Variants in VPS11 observed in about 807,000 individuals in gnomAD.
VPS11 encodes the protein vacuolar protein sorting-associated protein 11 homolog.
A neutral mutation model predicts 106.8 loss-of-function variants in VPS11; 51 were observed. The observed-to-expected ratio is 0.48, with a 90% CI of 0.38 to 0.60. The LOEUF (loss-of-function observed/expected upper bound fraction) is 0.60. Among genes scored for constraint, VPS11 ranks in the 20% least tolerant of loss-of-function variants. The pLI, the probability that VPS11 is intolerant of heterozygous loss-of-function variation, is 0.00. For missense variants in VPS11, 950 were observed against 1,190.0 expected (o/e 0.80, Z 2.97); for synonymous variants, 453 against 458.7 (o/e 0.99, Z 0.16).
chr11:119,078,291 T>C lies in VPS11; in HGVS notation c.1880T>C (p.Leu627Pro). ...CCCCAGGGGATCTACGACACACTCC[T>C]TGAGCTGCGACTGCAGAACTGGGCC... The part of the protein sequence containing the change: ...DSPQGIYDTL[L>P]ELRLQNWAHE... The change falls in exon 11 of 16, where the codon CTT becomes CCT. Residue 627 changes from leucine to proline, a missense_variant. Transcript: ENST00000621676. The C allele has an allele frequency of 6.2e-7, 1 of 1,613,064 alleles. No homozygotes were observed. Among genetic ancestry groups the C allele is most frequent in the Non-Finnish European group, 8.5e-7 (1 of 1,179,872 alleles).
Position 119,078,305 on chromosome 11 carries a change from C to T in VPS11, c.1894C>T (p.Gln632Ter). The T allele has an allele frequency of 6.2e-7, 1 of 1,612,426 alleles. No individual in the cohort carries two copies. Among genetic ancestry groups the T allele is most frequent in the Non-Finnish European group, 8.5e-7 (1 of 1,179,888 alleles). Residue 632 changes from glutamine (Q) to a stop codon, truncating the protein, a stop_gained, in exon 11 of 16, where the codon CAG becomes TAG. Coordinates refer to ENST00000621676, the MANE Select transcript of VPS11 (RefSeq NM_021729.6). LOFTEE classifies it high-confidence loss of function. The stretch of plus-strand genomic sequence containing the variant: ...CGACACACTCCTTGAGCTGCGACTG[C>T]AGAACTGGGCCCACGAGAAGGATCC... Reference protein sequence around the residue: ...IYDTLLELRLQNWAHEKDPQV... With the variant: ...IYDTLLELRL
Position 119,071,582 on chromosome 11 carries a change from G to A in VPS11, c.637-14G>A. The A allele has an allele frequency of 6.2e-7, 1 of 1,613,348 alleles. No individual in the cohort carries two copies. The highest frequency in any genetic ancestry group is 8.5e-7 in the Non-Finnish European group (1 of 1,179,350). On this transcript the variant is annotated splice_polypyrimidine_tract_variant and intron_variant, in intron 4 of 15. Transcript: ENST00000621676. ...CTCAAAGGAGCCTGTTAACCCCTTT[G>A]TTGCTTCTGGCAGTCCTATATAGTT...
intron 1 of VPS11, among the ~76,000 whole-genome samples, chr11:119,068,443 C>A (rs2133642059): frequency 0.11 from 3,925 of 35,772 alleles, 768 homozygotes; most frequent in East Asian, 0.2. Flanking sequence ...GGCCTTTTTA[C>A]CTTTTTTTTT....
Position 119,069,267 on chromosome 11 carries a change from G to A in VPS11, c.259G>A (p.Val87Met), listed in dbSNP as rs1170289073. The A allele has an allele frequency of 6.2e-7, 1 of 1,613,848 alleles. No homozygotes were observed. Among genetic ancestry groups the A allele is most frequent in the South Asian group, 1.1e-5 (1 of 91,090 alleles). The change falls in exon 2 of 16, where the codon GTG (valine) becomes ATG (methionine). Residue 87 changes from valine (V) to methionine (M), a missense_variant. By Grantham distance (21) the Val-to-Met change is conservative (BLOSUM62 1). Around this residue, in one of 3 missense-constraint regions of VPS11, gnomAD observed 435 missense variants for 630.2 expected, o/e 0.69. Coordinates refer to ENST00000621676, the MANE Select transcript of VPS11 (RefSeq NM_021729.6). ...LTGFQAYKLRVTHLYQLKQHN... is the reference protein window; with the variant it reads ...LTGFQAYKLRMTHLYQLKQHN... ...AGGCTTCCAAGCCTACAAACTACGG[G>A]TGACACACCTGTACCAACTGAAGCA...
In VPS11 at chr11:119,079,434, A is replaced by G. The variant is rs998815872; in HGVS notation, c.2438+134A>G. 1.5e-5 allele frequency: 17 copies of G among 1,161,928 alleles called. 1 individual carries two copies. In the South Asian group the frequency reaches 1.7e-4, roughly 12 times the overall value. The allele number at this position is 1,161,928 out of a possible 1,614,324, so 72.0% of individuals were successfully genotyped here. A position where few individuals can be genotyped will look rare whatever the true frequency, so the allele number is the denominator to read the frequency against. On this transcript the variant is annotated intron_variant, in intron 14 of 15. Coordinates refer to ENST00000621676, the MANE Select transcript of VPS11 (RefSeq NM_021729.6). ...TTTTGATTCTTCAAGTTGTGTTTTA[A>G]TTGAGGAATTCCAAAAAATGGTTTA... is the stretch of plus-strand genomic sequence containing the variant.
chr11:119,070,476 C>A, intron 4 of VPS11, 79 bp downstream of exon 4: 1 of 1,381,172 alleles, frequency 7.2e-7, no homozygotes. Flanking sequence ...AATGAAGTGA[C>A]AGGAAAGGTG....
intron 5 of VPS11, chr11:119,072,201 AG>A (rs1383036601): frequency 4.3e-6 from 1 of 231,244 alleles, no homozygotes; most frequent in African/African-American, 2.2e-5. Flanking sequence ...CCTGACCTCA[AG>A]TGATCTACCC....
chr11:119,071,390 A>C (rs992087232), intron 4 of VPS11, among the ~76,000 whole-genome samples: 4 of 152,218 alleles, frequency 2.6e-5, no homozygotes, highest in African/African-American at 9.7e-5. Flanking sequence ...CTAGATAGTG[A>C]TAATATATAC....
At chr11:119,073,424 T>G (rs782565702) in intron 6 of VPS11, 25 bp downstream of exon 6, 27 of 1,608,500 alleles carry the variant, frequency 1.7e-5, no homozygotes, top group Non-Finnish European at 2.0e-5. Flanking sequence ...CTCGCAGAGC[T>G]GGCCACAGGC....
Position 119,076,922 on chromosome 11 carries a change from T to C in VPS11, c.1264T>C (p.Tyr422His), listed in dbSNP as rs1945641715. ...AACCATTGGAAAGTTGGAGCCATCCTACGTGATCCGCAAGTTTCTGGATGC... is the reference window on the plus strand; with the variant it reads ...AACCATTGGAAAGTTGGAGCCATCCCACGTGATCCGCAAGTTTCTGGATGC... ...IRTIGKLEPS[Y>H]VIRKFLDAQR... is the part of the protein sequence containing the mutation. The change falls in exon 8 of 16, where the codon TAC becomes CAC. Residue 422 changes from tyrosine to histidine, a missense_variant. Physicochemically the swap from Tyr to His is moderately conservative, Grantham distance 83 (BLOSUM62 2). This residue lies in a region of VPS11 where 435 missense variants were observed against 630.2 expected (regional missense o/e 0.69). Coordinates refer to ENST00000621676, the MANE Select transcript of VPS11 (RefSeq NM_021729.6). The C allele has an allele frequency of 6.2e-7, 1 of 1,614,036 alleles. No homozygotes were observed. Among genetic ancestry groups the C allele is most frequent in the Non-Finnish European group, 8.5e-7 (1 of 1,179,902 alleles).
chr11:119,076,108 C>G (rs1213009596), intron 7 of VPS11, among the ~76,000 whole-genome samples: 1 of 152,066 alleles, frequency 6.6e-6, no homozygotes, highest in African/African-American at 2.4e-5. Flanking sequence ...CACCTGTAGT[C>G]CCAGCTACTC....
intron 13 of VPS11, 55 bp from the exon 14 acceptor site, chr11:119,079,074 C>T (rs1337978577): frequency 1.9e-6 from 3 of 1,611,920 alleles, no homozygotes; most frequent in Admixed American, 1.7e-5. Context: ...CACCTTTATC[C>T]AGAGAGTGCC....
chr11:119,069,025 G>C (rs1046510492), intron 1 of VPS11, 171 bp from the exon 2 acceptor site: 1 of 91,084 alleles, frequency 1.1e-5, no homozygotes, highest in Admixed American at 2.4e-4. Context: ...CTCCCAAAGT[G>C]CTGGGATTAC....
Position 119,073,228 on chromosome 11 carries a change from C to T in VPS11, c.915C>T (p.Ser305=). The change falls in exon 6 of 16, where the codon AGC becomes AGT. Residue 305 remains serine, a synonymous_variant. Transcript: ENST00000621676. ...KSEFTSRDSQ[S]SDKQILNIYD... is the part of the protein sequence containing the mutation. ...AGTTTACCAGCAGGGATTCACAGAG[C>T]TCCGACAAGCAGATTCTAAACATCT... is the stretch of plus-strand genomic sequence containing the variant. 2 of 1,613,628 alleles carry T rather than the reference C, an allele frequency of 1.2e-6. No homozygotes were observed. Among genetic ancestry groups the T allele is most frequent in the Non-Finnish European group, 1.7e-6 (2 of 1,179,752 alleles).
chr11:119,079,073 C>G, intron 13 of VPS11, 56 bp from the exon 14 acceptor site: 3 of 1,611,934 alleles, frequency 1.9e-6, no homozygotes, highest in African/African-American at 2.7e-5. Context: ...TCACCTTTAT[C>G]CAGAGAGTGC....
chr11:119,077,140 C>T, intron 8 of VPS11, 57 bp downstream of exon 8: 1 of 1,566,086 alleles, frequency 6.4e-7, no homozygotes, highest in Non-Finnish European at 8.7e-7. Context: ...TGAGGTGGCT[C>T]CACCGGGACT....
At chr11:119,077,850 C>T in intron 9 of VPS11, 28 bp from the exon 10 acceptor site, 4 of 1,612,610 alleles carry the variant, frequency 2.5e-6, no homozygotes, top group Non-Finnish European at 3.4e-6. Context: ...CAGGAGTATA[C>T]ACTATTCTGC....
In VPS11 at chr11:119,069,038, G is replaced by A. The variant is rs1945260979; in HGVS notation, c.188-158G>A. 5 of 387,420 alleles carry A rather than the reference G, an allele frequency of 1.3e-5. No homozygotes were observed. The Admixed American group carries it at 2.5e-4, about 19-fold the overall frequency. 24.0% of individuals were successfully genotyped at this position (387,420 alleles called of 1,614,324 possible). A position where few individuals can be genotyped will look rare whatever the true frequency, so the allele number is the denominator to read the frequency against. Reference sequence around the variant, plus strand: ...GCCTCCCAAAGTGCTGGGATTACAGGTGTGAGTCACCGCGCCTGGCCTCAC... The same window carrying A: ...GCCTCCCAAAGTGCTGGGATTACAGATGTGAGTCACCGCGCCTGGCCTCAC... On this transcript the variant is annotated intron_variant, in intron 1 of 15. Coordinates refer to ENST00000621676, the MANE Select transcript of VPS11 (RefSeq NM_021729.6).
Position 119,081,764 on chromosome 11 carries a change from C to T in VPS11, c.*141C>T, listed in dbSNP as rs1038660814. 112 of 1,172,532 alleles carry T rather than the reference C, an allele frequency of 9.6e-5. No homozygotes were observed. The highest frequency in any genetic ancestry group is 5.3e-4 in the African/African-American group (34 of 64,480). 72.6% of individuals were successfully genotyped at this position (1,172,532 alleles called of 1,614,324 possible). On this transcript the variant is annotated 3_prime_UTR_variant, in exon 16 of 16. Coordinates refer to ENST00000621676, the MANE Select transcript of VPS11 (RefSeq NM_021729.6). ...AATGTCACAGCCCTCAGAACTAAAG[C>T]GGACTTTCTTTCCCTGCCTTCTTAT...
Sources: allele counts gnomAD v4.1 joint callset (sites outside exome capture counted in the v4.1 genomes callset), GRCh38; gene constraint gnomAD v4.1.1; regional missense constraint gnomAD v4.1.1; transcripts MANE v1.5; gene names NCBI Gene and HGNC (gene_info 2026-07-23, HGNC 2026-07-21).